The following SNRPC variants were observed in gnomAD, a reference collection of about 807,000 sequenced individuals.
SNRPC encodes small nuclear ribonucleoprotein polypeptide C.
Under a neutral mutation model 20.0 loss-of-function variants are expected in SNRPC, and 5 were observed. That is an observed-to-expected ratio of 0.25 (90% CI 0.13 to 0.53). SNRPC has a LOEUF of 0.53. Ranked by LOEUF, SNRPC falls within the 20% of genes least tolerant of loss-of-function variation. The probability of loss-of-function intolerance (pLI) is 0.96; values close to 1 mark genes in which losing one functional copy is unlikely to be tolerated. For synonymous variants in SNRPC, 61 were observed against 58.7 expected, an observed-to-expected ratio of 1.04 and a Z score of -0.18; for missense variants, 112 against 224.1, an observed-to-expected ratio of 0.50 and a Z score of 3.19.
At chr6:34,764,667 A>T (rs1764590988) in intron 3 of SNRPC, among the ~76,000 whole-genome samples, 1 of 151,880 alleles carries the variant, frequency 6.6e-6, no homozygotes, top group Non-Finnish European at 1.5e-5. Flanking sequence ...CATCTCAAAA[A>T]AATAATAATA....
chr6:34,763,678 C>CA (rs71538265), intron 3 of SNRPC, among the ~76,000 whole-genome samples: 5,089 of 128,360 alleles, frequency 0.04, 168 homozygotes, highest in African/African-American at 0.084. Flanking sequence ...GAGACTGTCT[C>CA]AAAAAAAAAA....
intron 3 of SNRPC, among the ~76,000 whole-genome samples, chr6:34,765,961 G>A (rs1476934097): frequency 6.6e-6 from 1 of 151,492 alleles, no homozygotes; most frequent in African/African-American, 2.4e-5. Flanking sequence ...GGCTGGTCTT[G>A]AACTCCTGGC....
At chr6:34,757,852 TTCCGTGGA>T in intron 1 of SNRPC, 52 bp from the exon 2 acceptor site, 1 of 1,610,552 alleles carries the variant, frequency 6.2e-7, no homozygotes, top group East Asian at 2.2e-5. Flanking sequence ...TGAACAGCGC[TTCCGTGGA>T]TGGGCATCTC....
intron 2 of SNRPC, among the ~76,000 whole-genome samples, chr6:34,761,147 T>C (rs1016127869): frequency 1.3e-5 from 2 of 152,014 alleles, no homozygotes; most frequent in Non-Finnish European, 2.9e-5. Context: ...CATGTTTTTG[T>C]CTTTTTTTTT....
At chr6:34,759,703 A>T (rs1764507831) in intron 2 of SNRPC, among the ~76,000 whole-genome samples, 1 of 152,222 alleles carries the variant, frequency 6.6e-6, no homozygotes, top group African/African-American at 2.4e-5. Context: ...TGGCATCATC[A>T]GTGAAAATGT....
intron 1 of SNRPC, 149 bp from the exon 2 acceptor site, chr6:34,757,763 G>A (rs1363652344): frequency 5.1e-6 from 8 of 1,568,976 alleles, no homozygotes; most frequent in African/African-American, 4.1e-5. Flanking sequence ...CCTGGTTTAT[G>A]TGTCGACGCT....
At chr6:34,772,484 G>T (rs562531890) in intron 5 of SNRPC, among the ~76,000 whole-genome samples, 15 of 152,204 alleles carry the variant, frequency 9.9e-5, no homozygotes, top group South Asian at 6.2e-4. Context: ...CTTAAATTCT[G>T]TACCTGTTGG....
Position 34,768,860 on chromosome 6 carries a change from G to GT in SNRPC, c.250+864dup, listed in dbSNP as rs1764650025. On this transcript the variant is annotated intron_variant, in intron 4 of 5. Coordinates refer to ENST00000244520, the MANE Select transcript of SNRPC (RefSeq NM_003093.3). ...TTCTGGGAAAGTTTGTTGTTTCTGTGTGACAGACAAGAGGAGACTGAGTGC... is the reference window on the plus strand; with the variant it reads ...TTCTGGGAAAGTTTGTTGTTTCTGTGTTGACAGACAAGAGGAGACTGAGTGC... Among the ~76,000 whole-genome samples the GT allele has an allele frequency of 2.0e-5, 3 of 152,066 alleles. No individual in the cohort carries two copies. In the South Asian group the frequency reaches 6.2e-4, roughly 31 times the overall value.
At position 34,767,892 on chromosome 6, in the gene SNRPC, T is replaced by TCAC; in HGVS notation, c.161-15_161-14insACC. On this transcript the variant is annotated splice_polypyrimidine_tract_variant and intron_variant, in intron 3 of 5. Transcript: ENST00000244520. ...TTATTCATCTTTTTTTTTTTTTTTT[T>TCAC]CCTCACCCTCCAAAGCGGCTGCATT... The TCAC allele has an allele frequency of 6.8e-7, 1 of 1,472,706 alleles. No homozygotes were observed. The highest frequency in any genetic ancestry group is 8.9e-7 in the Non-Finnish European group (1 of 1,128,102). 91.2% of individuals were successfully genotyped at this position (1,472,706 alleles called of 1,614,324 possible). A position where few individuals can be genotyped will look rare whatever the true frequency, so the allele number is the denominator to read the frequency against.
chr6:34,764,840 C>T (rs1004569781), intron 3 of SNRPC, among the ~76,000 whole-genome samples: 1 of 151,646 alleles, frequency 6.6e-6, no homozygotes, highest in Non-Finnish European at 1.5e-5. Context: ...TGACCAACAT[C>T]GAGAAACCGT....
intron 3 of SNRPC, among the ~76,000 whole-genome samples, chr6:34,765,457 GATTGAGTCTTGCTCC>G (rs1216833462): frequency 6.6e-6 from 1 of 151,552 alleles, no homozygotes. Context: ...TATTTATTGA[GATTGAGTCTTGCTCC>G]ATTGCCCAGG....
intron 2 of SNRPC, among the ~76,000 whole-genome samples, chr6:34,762,021 G>T (rs1169530677): frequency 6.6e-6 from 1 of 152,120 alleles, no homozygotes; most frequent in Non-Finnish European, 1.5e-5. Context: ...AAATAAATGT[G>T]CTGGGCTCTG....
chr6:34,761,723 A>C (rs1232006141), intron 2 of SNRPC, among the ~76,000 whole-genome samples: 1 of 151,090 alleles, frequency 6.6e-6, no homozygotes. Flanking sequence ...CATGTTAGCC[A>C]GGATGGTCTC....
At chr6:34,767,399 T>G (rs1021036866) in intron 3 of SNRPC, among the ~76,000 whole-genome samples, 2 of 152,220 alleles carry the variant, frequency 1.3e-5, no homozygotes, top group African/African-American at 4.8e-5. Context: ...GGTGAGTGGA[T>G]TGCGTGGACT....
intron 4 of SNRPC, among the ~76,000 whole-genome samples, chr6:34,769,818 A>T (rs1764663735): frequency 6.6e-6 from 1 of 152,104 alleles, no homozygotes; most frequent in African/African-American, 2.4e-5. Context: ...TCATAGATTA[A>T]TGTGTTATGG....
intron 4 of SNRPC, among the ~76,000 whole-genome samples, chr6:34,770,003 A>C (rs1764666134): frequency 6.6e-6 from 1 of 152,214 alleles, no homozygotes; most frequent in South Asian, 2.1e-4. Flanking sequence ...TGGGCAGATC[A>C]CCTGAGGTTG....
rs540649529 is a variant in SNRPC at position 34,762,447 on chromosome 6, G to T, written c.52-148G>T. 7.1e-4 allele frequency: 401 copies of T among 564,810 alleles called. 1 individual carries two copies. The highest frequency in any genetic ancestry group is 1.0e-3 in the Non-Finnish European group (321 of 315,578). 35.0% of individuals were successfully genotyped at this position (564,810 alleles called of 1,614,324 possible). On this transcript the variant is annotated intron_variant, in intron 2 of 5. Coordinates refer to ENST00000244520, the MANE Select transcript of SNRPC (RefSeq NM_003093.3). ...TATAGTAAAAAAATTACCACAGTGT[G>T]TTGCTGGATAATGTTTTTAAGTAAT...
intron 3 of SNRPC, among the ~76,000 whole-genome samples, chr6:34,767,566 G>T (rs1299941695): frequency 1.3e-5 from 2 of 152,198 alleles, no homozygotes; most frequent in African/African-American, 4.8e-5. Flanking sequence ...GTGAGCTGCG[G>T]TTGTGTCCCT....
chr6:34,767,506 CG>C (rs1296700228), intron 3 of SNRPC, among the ~76,000 whole-genome samples: 2 of 152,084 alleles, frequency 1.3e-5, no homozygotes, highest in African/African-American at 4.8e-5. Flanking sequence ...TGTAGCTACT[CG>C]GGAGGATGAA....
Sources: allele counts gnomAD v4.1 joint callset (sites outside exome capture counted in the v4.1 genomes callset), GRCh38; gene constraint gnomAD v4.1.1; transcripts MANE v1.5; gene names NCBI Gene and HGNC (gene_info 2026-07-23, HGNC 2026-07-21).